The following TSHZ3 variants were observed in gnomAD, a reference collection of about 807,000 sequenced individuals.
TSHZ3 encodes teashirt homolog 3.
A neutral mutation model predicts 64.5 loss-of-function variants in TSHZ3; 10 were observed. That is an observed-to-expected ratio of 0.16 (90% CI 0.10 to 0.26). The LOEUF is 0.26. Ranked by LOEUF, TSHZ3 falls within the 10% of genes least tolerant of loss-of-function variation. The pLI, the probability that TSHZ3 is intolerant of heterozygous loss-of-function variation, is 1.00. For synonymous variants in TSHZ3, 608 were observed against 593.1 expected, an observed-to-expected ratio of 1.03 and a Z score of -0.36; for missense variants, 1,242 against 1,421.7, an observed-to-expected ratio of 0.87 and a Z score of 2.03.
intron 1 of TSHZ3, among the ~76,000 whole-genome samples, chr19:31,321,536 T>A (rs1244150330): frequency 1.3e-5 from 2 of 152,174 alleles, no homozygotes; most frequent in Non-Finnish European, 2.9e-5. Flanking sequence ...CACACCAAGG[T>A]GTCTGCATAC....
intron 4 of TSHZ3, among the ~76,000 whole-genome samples, chr19:31,213,649 G>A (rs1008070966): frequency 2.0e-5 from 3 of 152,154 alleles, no homozygotes; most frequent in Admixed American, 1.3e-4. Flanking sequence ...CGGGGTGATT[G>A]CATGTATGTG....
At chr19:31,266,485 C>T (rs1238783142) in intron 1 of TSHZ3, among the ~76,000 whole-genome samples, 2 of 152,044 alleles carry the variant, frequency 1.3e-5, no homozygotes, top group Non-Finnish European at 2.9e-5. Context: ...CACACTGGGG[C>T]TTATTCCCCC....
At chr19:31,329,933 C>T (rs1917031715) in intron 1 of TSHZ3, among the ~76,000 whole-genome samples, 1 of 152,094 alleles carries the variant, frequency 6.6e-6, no homozygotes, top group Non-Finnish European at 1.5e-5. Context: ...ATGAACCACT[C>T]CTCATTCTAA....
intron 1 of TSHZ3, among the ~76,000 whole-genome samples, chr19:31,329,203 T>A (rs1012349857): frequency 2.6e-5 from 4 of 152,208 alleles, no homozygotes; most frequent in African/African-American, 9.7e-5. Flanking sequence ...GAGAAAGAAA[T>A]GTTACAGGAA....
chr19:31,194,827 G>A (rs1288394115), intron 5 of TSHZ3, among the ~76,000 whole-genome samples: 1 of 152,174 alleles, frequency 6.6e-6, no homozygotes, highest in Non-Finnish European at 1.5e-5. Flanking sequence ...GAGCTCTAAT[G>A]TATAAAGTGG....
At chr19:31,337,131 G>A (rs941916888) in intron 1 of TSHZ3, among the ~76,000 whole-genome samples, 1 of 148,268 alleles carries the variant, frequency 6.7e-6, no homozygotes, top group Non-Finnish European at 1.5e-5. Context: ...TGTTTCTAAT[G>A]CTATTCACCT....
chr19:31,304,869 C>T (rs902369817), intron 1 of TSHZ3, among the ~76,000 whole-genome samples: 2 of 152,248 alleles, frequency 1.3e-5, no homozygotes, highest in African/African-American at 2.4e-5. Flanking sequence ...CGATTCCCCG[C>T]AGCGCACTGG....
In TSHZ3 at chr19:31,155,433, T is replaced by C. The variant is rs114716285; in HGVS notation, n.871+923A>G. On this transcript the variant is annotated intron_variant and non_coding_transcript_variant, in intron 6 of 6. Coordinates refer to the TSHZ3 transcript ENST00000651361. ...AGGCTTTCCAAACACAGCTTCGTTG[T>C]AGGAAAGTGACCATCCCATCAGAAA... is the stretch of plus-strand genomic sequence containing the variant. Among the ~76,000 whole-genome samples, 597 of 152,330 alleles carry C rather than the reference T, an allele frequency of 3.9e-3. 3 individuals carry two copies. The highest frequency in any genetic ancestry group is 0.013 in the African/African-American group (553 of 41,590).
intron 1 of TSHZ3, among the ~76,000 whole-genome samples, chr19:31,245,468 C>T (rs529084015): frequency 6.6e-6 from 1 of 152,310 alleles, no homozygotes; most frequent in Admixed American, 6.5e-5. Flanking sequence ...CCCCTATCTC[C>T]TCCAGCCTAT....
chr19:31,257,112 C>G (rs979641304), intron 1 of TSHZ3, among the ~76,000 whole-genome samples: 1 of 152,088 alleles, frequency 6.6e-6, no homozygotes, highest in Non-Finnish European at 1.5e-5. Flanking sequence ...CTTCAGGGAG[C>G]GCTTTGTAGG....
chr19:31,213,356 C>CAAAAAAAAAAAAAA lies in TSHZ3; in HGVS notation n.687-8292_687-8279dup, dbSNP rs35192337. 6.9e-4 allele frequency among the ~76,000 whole-genome samples: 16 copies of CAAAAAAAAAAAAAA among 23,308 alleles called. 4 individuals carry two copies. The highest frequency in any genetic ancestry group is 2.3e-3 in the East Asian group (1 of 444). The allele number at this position is 23,308 out of a possible 152,430, so 15.3% of individuals were successfully genotyped here. A position where few individuals can be genotyped will look rare whatever the true frequency, so the allele number is the denominator to read the frequency against. On this transcript the variant is annotated intron_variant and non_coding_transcript_variant, in intron 4 of 6. Transcript: ENST00000651361. ...TGAGCAACAGAGCGAGACTCTGTCTCAAAAAAAAAAAAAAAAAAAAAAAAA... is the reference window on the plus strand; with the variant it reads ...TGAGCAACAGAGCGAGACTCTGTCTCAAAAAAAAAAAAAAAAAAAAAAAAAAAAAAAAAAAAAAA...
chr19:31,348,806 T>A (rs1035227826), intron 1 of TSHZ3: 9 of 217,480 alleles, frequency 4.1e-5, no homozygotes, highest in Non-Finnish European at 6.3e-5. Flanking sequence ...GGTCGGCCGC[T>A]CGGAGGACGC....
At chr19:31,292,473 T>C (rs1976582661) in intron 1 of TSHZ3, among the ~76,000 whole-genome samples, 1 of 151,044 alleles carries the variant, frequency 6.6e-6, no homozygotes, top group South Asian at 2.1e-4. Flanking sequence ...GCTAAACATG[T>C]ACAACTCAAA....
At chr19:31,180,243 G>T (rs772954256) in intron 5 of TSHZ3, among the ~76,000 whole-genome samples, 2 of 152,114 alleles carry the variant, frequency 1.3e-5, no homozygotes, top group African/African-American at 2.4e-5. Context: ...ATGAATGAAT[G>T]AATGAACGAA....
chr19:31,305,082 C>G (rs1226144007), intron 1 of TSHZ3, among the ~76,000 whole-genome samples: 65 of 152,144 alleles, frequency 4.3e-4, no homozygotes, highest in Non-Finnish European at 1.0e-4. Context: ...AAAAGCATTT[C>G]AGATTAGCAA....
intron 1 of TSHZ3, among the ~76,000 whole-genome samples, chr19:31,333,917 T>C (rs958306678): frequency 2.0e-5 from 3 of 152,162 alleles, no homozygotes; most frequent in African/African-American, 7.2e-5. Flanking sequence ...CTTGCAGAAA[T>C]GTTAAATACT....
intron 4 of TSHZ3, among the ~76,000 whole-genome samples, chr19:31,221,663 G>T (rs1292775009): frequency 6.6e-6 from 1 of 152,136 alleles, no homozygotes; most frequent in Admixed American, 6.6e-5. Context: ...CATGTTTGGT[G>T]GTAAGTTATT....
At chr19:31,316,275 A>G (rs903662481) in intron 1 of TSHZ3, among the ~76,000 whole-genome samples, 3 of 152,218 alleles carry the variant, frequency 2.0e-5, no homozygotes, top group African/African-American at 7.2e-5. Flanking sequence ...TAAATCTCCC[A>G]AAGCCTGTTT....
At chr19:31,180,131 G>GT (rs1196291797) in intron 5 of TSHZ3, among the ~76,000 whole-genome samples, 2 of 152,120 alleles carry the variant, frequency 1.3e-5, no homozygotes. Flanking sequence ...GCTCCTCTAG[G>GT]TAAGTTTAGT....
Sources: allele counts gnomAD v4.1 joint callset (sites outside exome capture counted in the v4.1 genomes callset), GRCh38; gene constraint gnomAD v4.1.1; transcripts MANE v1.5; gene names NCBI Gene and HGNC (gene_info 2026-07-23, HGNC 2026-07-21).